DDX60: variants seen among roughly 807,000 people sequenced by gnomAD.
DDX60 encodes the protein probable ATP-dependent RNA helicase DDX60.
Under a neutral mutation model 212.8 loss-of-function variants are expected in DDX60, and 165 were observed. That is an observed-to-expected ratio of 0.78 (90% CI 0.68 to 0.88). DDX60 has a LOEUF of 0.88. DDX60 is among the 40% of genes least tolerant of loss of function. The pLI, the probability that DDX60 is intolerant of heterozygous loss-of-function variation, is 0.00. For synonymous variants in DDX60, 703 were observed against 685.3 expected (o/e 1.03, Z -0.40); for missense variants, 1,905 against 2,003.9 (o/e 0.95, Z 0.94).
intron 18 of DDX60, among the ~76,000 whole-genome samples, chr4:168,272,392 T>G (rs1483472136): frequency 6.6e-6 from 1 of 152,238 alleles, no homozygotes; most frequent in African/African-American, 2.4e-5. Context: ...TTATGAACAT[T>G]CAGGGTTTAA....
In DDX60 at chr4:168,221,795, C is replaced by T. The variant is rs772393728; in HGVS notation, c.4911G>A (p.Ser1637=). Residue 1637 remains serine (S), a synonymous_variant, in exon 36 of 38, where the codon TCG becomes TCA. Transcript: ENST00000393743. The part of the protein sequence containing the change: ...QKFDNRGRKM[S]LNAYALDFYK... ...AGAAATCCAGTGCATAGGCATTAAG[C>T]GACATTTTCCTTCCTCGGTTATCAA... 2.7e-5 allele frequency: 43 copies of T among 1,613,062 alleles called. No individual in the cohort carries two copies. Among genetic ancestry groups the T allele is most frequent in the Admixed American group, 5.0e-5 (3 of 59,918 alleles).
At chr4:168,299,896 CATT>C (rs1736575424) in intron 6 of DDX60, among the ~76,000 whole-genome samples, 1 of 152,188 alleles carries the variant, frequency 6.6e-6, no homozygotes, top group Non-Finnish European at 1.5e-5. Flanking sequence ...ATGATCTACA[CATT>C]ATTTCACAAT....
chr4:168,296,035 T>C (rs1247080573), intron 6 of DDX60, among the ~76,000 whole-genome samples: 2 of 152,098 alleles, frequency 1.3e-5, no homozygotes, highest in African/African-American at 4.8e-5. Flanking sequence ...GACCCAAGGG[T>C]ACAAACTTTC....
chr4:168,236,424 T>C lies in DDX60; in HGVS notation c.4412-51A>G, dbSNP rs777097859. ...TAAATATGAAAGGGTATAATTCTAT[T>C]TTTTCATGTTTAAATGGAATGTCAT... On this transcript the variant is annotated intron_variant, in intron 32 of 37. Coordinates refer to ENST00000393743, the MANE Select transcript of DDX60 (RefSeq NM_017631.6). The C allele has an allele frequency of 1.6e-5, 23 of 1,462,168 alleles. No homozygotes were observed. In the South Asian group the frequency reaches 2.5e-4, roughly 16 times the overall value. The allele number at this position is 1,462,168 out of a possible 1,614,324, so 90.6% of individuals were successfully genotyped here.
intron 16 of DDX60, 43 bp downstream of exon 16, chr4:168,275,302 T>C: frequency 1.3e-6 from 2 of 1,536,358 alleles, no homozygotes; most frequent in Middle Eastern, 1.7e-4. Context: ...AGATCACATA[T>C]AATAAGAAAA....
chr4:168,240,303 T>C (rs1182033195), intron 30 of DDX60, among the ~76,000 whole-genome samples: 11 of 152,142 alleles, frequency 7.2e-5, no homozygotes, highest in Admixed American at 7.2e-4. Flanking sequence ...TACAAACCAC[T>C]GCTCAAGGAT....
chr4:168,290,954 A>T (rs966212336), intron 8 of DDX60, among the ~76,000 whole-genome samples: 4 of 152,214 alleles, frequency 2.6e-5, no homozygotes, highest in Admixed American at 1.3e-4. Flanking sequence ...AATGATCCTT[A>T]AAAAAAGTTC....
At chr4:168,271,378 G>T (rs926693570) in intron 19 of DDX60, among the ~76,000 whole-genome samples, 3 of 152,214 alleles carry the variant, frequency 2.0e-5, no homozygotes, top group Non-Finnish European at 2.9e-5. Flanking sequence ...CCATAGATCA[G>T]AAGAAGTGGG....
Position 168,216,845 on chromosome 4 carries a change from T to A in DDX60, c.*88A>T, listed in dbSNP as rs1245971777. ...AATGTATTTCCACTTTATCATAATGTATTTCTGGCAAGAAGCATAAGAATC... is the reference window on the plus strand; with the variant it reads ...AATGTATTTCCACTTTATCATAATGAATTTCTGGCAAGAAGCATAAGAATC... On this transcript the variant is annotated 3_prime_UTR_variant, in exon 38 of 38. Transcript: ENST00000393743. 2.7e-6 allele frequency: 2 copies of A among 753,444 alleles called. No individual in the cohort carries two copies. The highest frequency in any genetic ancestry group is 4.3e-6 in the Non-Finnish European group (2 of 464,232). The allele number at this position is 753,444 out of a possible 1,614,324, so 46.7% of individuals were successfully genotyped here. A position where few individuals can be genotyped will look rare whatever the true frequency, so the allele number is the denominator to read the frequency against.
intron 30 of DDX60, among the ~76,000 whole-genome samples, chr4:168,245,410 G>A (rs1328537446): frequency 6.6e-6 from 1 of 152,118 alleles, no homozygotes; most frequent in Non-Finnish European, 1.5e-5. Context: ...ACTTTTAAGA[G>A]TCCCATATGT....
intron 14 of DDX60, among the ~76,000 whole-genome samples, chr4:168,279,276 A>G (rs1735484295): frequency 6.6e-6 from 1 of 152,240 alleles, no homozygotes; most frequent in South Asian, 2.1e-4. Flanking sequence ...TTGAAAGAGG[A>G]AAGCTTGGAA....
intron 13 of DDX60, 22 bp from the exon 14 acceptor site, chr4:168,280,612 C>A (rs1451622611): frequency 6.3e-7 from 1 of 1,584,004 alleles, no homozygotes; most frequent in African/African-American, 1.4e-5. Flanking sequence ...GAAAAAACAT[C>A]TCTTAAGACA....
Position 168,216,795 on chromosome 4 carries a change from G to C in DDX60, c.*138C>G. 1 of 560,178 alleles carries C rather than the reference G, an allele frequency of 1.8e-6. No homozygotes were observed. 34.7% of individuals were successfully genotyped at this position (560,178 alleles called of 1,614,324 possible). A position where few individuals can be genotyped will look rare whatever the true frequency, so the allele number is the denominator to read the frequency against. ...GATTGCAACTCTGTTTGATTCCAAA[G>C]TGTTTGCTCTTTCCACTTCATCGTA... On this transcript the variant is annotated 3_prime_UTR_variant, in exon 38 of 38. Transcript: ENST00000393743.
intron 6 of DDX60, among the ~76,000 whole-genome samples, chr4:168,299,031 T>A (rs1736530884): frequency 6.6e-6 from 1 of 151,386 alleles, no homozygotes; most frequent in Admixed American, 6.6e-5. Context: ...CTTGGTGGCA[T>A]GAGCCTGTAG....
chr4:168,256,494 C>G (rs1200427726), intron 25 of DDX60, among the ~76,000 whole-genome samples: 1 of 152,076 alleles, frequency 6.6e-6, no homozygotes, highest in Non-Finnish European at 1.5e-5. Context: ...AACCTAGCAA[C>G]CTGGTCTAGG....
upstream of DDX60, among the ~76,000 whole-genome samples, chr4:168,321,411 A>C (rs1309301623): frequency 6.6e-6 from 1 of 152,124 alleles, no homozygotes; most frequent in Non-Finnish European, 1.5e-5. Flanking sequence ...TGATTAATTC[A>C]AGTTTTCTTT....
At chr4:168,232,291 C>A (rs1402742968) in intron 33 of DDX60, among the ~76,000 whole-genome samples, 1 of 151,896 alleles carries the variant, frequency 6.6e-6, no homozygotes, top group Non-Finnish European at 1.5e-5. Flanking sequence ...ATGAGGCTGC[C>A]AAAAGCAATC....
At chr4:168,267,475 T>C (rs1265357852) in intron 22 of DDX60, 107 bp downstream of exon 22, 2 of 472,312 alleles carry the variant, frequency 4.2e-6, no homozygotes, top group Non-Finnish European at 7.1e-6. Flanking sequence ...TGTAATTCTG[T>C]AATTCTATTC....
intron 28 of DDX60, among the ~76,000 whole-genome samples, chr4:168,248,836 T>C (rs1306408980): frequency 6.6e-6 from 1 of 151,898 alleles, no homozygotes; most frequent in African/African-American, 2.4e-5. Flanking sequence ...CTCGGCTCAC[T>C]GCAACCTCCA....
Sources: allele counts gnomAD v4.1 joint callset (sites outside exome capture counted in the v4.1 genomes callset), GRCh38; gene constraint gnomAD v4.1.1; transcripts MANE v1.5; gene names NCBI Gene and HGNC (gene_info 2026-07-23, HGNC 2026-07-21).